The following ZNF687 variants were observed in gnomAD, a reference collection of about 807,000 sequenced individuals.
The protein encoded by ZNF687 is zinc finger protein 687.
ZNF687 carries 13 observed loss-of-function variants against 71.8 expected under a neutral mutation model. The ratio of observed to expected loss-of-function variants is 0.18; its 90% CI spans 0.12 to 0.29. The LOEUF is 0.29. Ranked by LOEUF, ZNF687 falls within the 10% of genes least tolerant of loss-of-function variation. ZNF687 has a pLI of 1.00. For synonymous variants in ZNF687, 673 were observed against 641.6 expected, an observed-to-expected ratio of 1.05 and a Z score of -0.74; for missense variants, 1,412 against 1,625.6, an observed-to-expected ratio of 0.87 and a Z score of 2.26.
In ZNF687 at chr1:151,290,158, T is replaced by C. The variant is rs113388444; in HGVS notation, c.3001T>C (p.Ser1001Pro). The C allele has an allele frequency of 6.2e-7, 1 of 1,613,964 alleles. No individual in the cohort carries two copies. Residue 1001 changes from serine to proline, a missense_variant, in exon 7 of 9, where the codon TCC (serine) becomes CCC (proline). This residue lies in a region of ZNF687 where 284 missense variants were observed against 359.2 expected (regional missense o/e 0.79). Transcript: ENST00000336715. ...KKFPCRLCER[S>P]FCSAPSLRRH... Reference sequence around the variant, plus strand: ...GTTCCCCTGTCGCCTGTGTGAGCGCTCCTTCTGCTCCGCCCCCAGCCTGAG... The same window carrying C: ...GTTCCCCTGTCGCCTGTGTGAGCGCCCCTTCTGCTCCGCCCCCAGCCTGAG...
At chr1:151,282,808 A>C (rs1251766484) in intron 1 of ZNF687, among the ~76,000 whole-genome samples, 1 of 151,996 alleles carries the variant, frequency 6.6e-6, no homozygotes, top group Non-Finnish European at 1.5e-5. Context: ...GGCCCGGGCA[A>C]GACTCAGGCT....
rs760830542 is a variant in ZNF687 at position 151,288,389 on chromosome 1, C to T, written c.2098C>T (p.Pro700Ser). 1.2e-6 allele frequency: 2 copies of T among 1,605,130 alleles called. No homozygotes were observed. The highest frequency in any genetic ancestry group is 1.3e-5 in the African/African-American group (1 of 74,978). ...CTTCCAGCAGCTCGGCCCCCCTGCC[C>T]CTGGGGCCACCAGCAATGTGAGTCA... ...AHFQQLGPPAPGATSNVCPTC... is the reference protein window; with the variant it reads ...AHFQQLGPPASGATSNVCPTC... The change falls in exon 2 of 9, where the codon CCT (proline) becomes TCT (serine). Residue 700 changes from proline to serine, a missense_variant. Pro to Ser is a moderately conservative substitution (Grantham distance 74). This residue lies in a region of ZNF687 where 207 missense variants were observed against 239.2 expected (regional missense o/e 0.87). Transcript: ENST00000336715.
At chr1:151,285,055 G>T (rs867825995) in intron 1 of ZNF687, among the ~76,000 whole-genome samples, 1 of 152,046 alleles carries the variant, frequency 6.6e-6, no homozygotes. Context: ...GATTACAGAT[G>T]TGAGCCACCA....
chr1:151,286,783 T>C lies in ZNF687; in HGVS notation c.492T>C (p.Ala164=). The change falls in exon 2 of 9, where the codon GCT becomes GCC. Residue 164 remains alanine (A), a synonymous_variant. Transcript: ENST00000336715. The part of the protein sequence containing the change: ...MEGKTPLDLF[A]HFGPEPGDHS... ...GCAAAACTCCCTTGGACCTGTTTGCTCATTTTGGCCCTGAGCCAGGGGACC... is the reference window on the plus strand; with the variant it reads ...GCAAAACTCCCTTGGACCTGTTTGCCCATTTTGGCCCTGAGCCAGGGGACC... 1 of 1,614,212 alleles carries C rather than the reference T, an allele frequency of 6.2e-7. No homozygotes were observed. The highest frequency in any genetic ancestry group is 8.5e-7 in the Non-Finnish European group (1 of 1,180,034).
Position 151,283,450 on chromosome 1 carries a change from G to A in ZNF687, c.-18+1055G>A, listed in dbSNP as rs2101858655. 4 of 375,972 alleles carry A rather than the reference G, an allele frequency of 1.1e-5. No homozygotes were observed. In the South Asian group the frequency reaches 3.3e-4, roughly 31 times the overall value. The allele number at this position is 375,972 out of a possible 1,614,324, so 23.3% of individuals were successfully genotyped here. A position where few individuals can be genotyped will look rare whatever the true frequency, so the allele number is the denominator to read the frequency against. On this transcript the variant is annotated intron_variant, in intron 1 of 8. Transcript: ENST00000336715. ...CTAGAGACAGGGCTCAGCAGTCGCA[G>A]GAAGGCCTGATCCTCCTTGGCTTGA... is the stretch of plus-strand genomic sequence containing the variant.
chr1:151,289,340 C>T (rs1288129956), intron 4 of ZNF687, 38 bp from the exon 5 acceptor site: 1 of 1,613,706 alleles, frequency 6.2e-7, no homozygotes, highest in Admixed American at 1.7e-5. Flanking sequence ...AGGGGCTGCA[C>T]CCAACCCTGC....
chr1:151,283,218 T>C, intron 1 of ZNF687: 1 of 985,420 alleles, frequency 1.0e-6, no homozygotes, highest in Non-Finnish European at 1.2e-6. Flanking sequence ...CCTCGGCAGA[T>C]GGCAGGGACT....
At position 151,287,744 on chromosome 1, in the gene ZNF687, G is replaced by A. The variant is rs776438350; in HGVS notation, c.1453G>A (p.Gly485Arg). The A allele has an allele frequency of 6.2e-7, 1 of 1,614,024 alleles. No homozygotes were observed. Among genetic ancestry groups the A allele is most frequent in the Non-Finnish European group, 8.5e-7 (1 of 1,179,990 alleles). ...AAAGACAGCTACTGGGCCAAGTACA[G>A]GGGGCGGCACAGTGATATCACGGAC... Reference protein sequence around the residue: ...PSKTATGPSTGGGTVISRTQS... With the variant: ...PSKTATGPSTRGGTVISRTQS... The change falls in exon 2 of 9, where the codon GGG becomes AGG. Residue 485 changes from glycine to arginine, a missense_variant. Around this residue, in one of 8 missense-constraint regions of ZNF687, gnomAD observed 133 missense variants for 155.1 expected, o/e 0.86. Coordinates refer to ENST00000336715, the MANE Select transcript of ZNF687 (RefSeq NM_020832.3). The surrounding 1 kb of genome is among the most constrained non-coding windows in gnomAD (Gnocchi z 5.0).
intron 3 of ZNF687, 36 bp downstream of exon 3, chr1:151,288,742 T>A: frequency 6.3e-7 from 1 of 1,582,200 alleles, no homozygotes; most frequent in Non-Finnish European, 8.6e-7. Flanking sequence ...ACTGTAGGGT[T>A]TCGTGTGTCC....
chr1:151,284,132 C>G, intron 1 of ZNF687: 1 of 985,192 alleles, frequency 1.0e-6, no homozygotes, highest in Non-Finnish European at 1.2e-6. Context: ...GCTACTGTTG[C>G]CACAGGAAAA....
intron 1 of ZNF687, 148 bp downstream of exon 1, chr1:151,282,543 T>A: frequency 2.2e-6 from 1 of 448,942 alleles, no homozygotes. Context: ...AGACACCGCC[T>A]CCATCCATTG....
rs1455479427 is a variant in ZNF687, at chr1:151,289,082, G to C, written c.2295-13G>C. On this transcript the variant is annotated splice_polypyrimidine_tract_variant and intron_variant, in intron 3 of 8. Transcript: ENST00000336715. ...CTCCCACCTCACCACAGGGCCTCCT[G>C]CTTCCTCCCTAGGTGCCCCAGCTGT... 6.2e-7 allele frequency: 1 copy of C among 1,612,640 alleles called. No homozygotes were observed. Among genetic ancestry groups the C allele is most frequent in the Non-Finnish European group, 8.5e-7 (1 of 1,179,052 alleles).
At position 151,289,194 on chromosome 1, in the gene ZNF687, C is replaced by G. The variant is rs1480336188; in HGVS notation, c.2394C>G (p.Pro798=). The G allele has an allele frequency of 6.2e-7, 1 of 1,614,210 alleles. No individual in the cohort carries two copies. The highest frequency in any genetic ancestry group is 1.1e-5 in the South Asian group (1 of 91,092). Residue 798 remains proline, a synonymous_variant, in exon 4 of 9, where the codon CCC becomes CCG. Transcript: ENST00000336715. ...TTTTCCACAAGTGCCCCATCTGCCC[C>G]ATGGCCTTCAAGTCTGGGCCAAGTG... ...CEVFHKCPIC[P]MAFKSGPSAH... is the part of the protein sequence containing the mutation.
Position 151,288,269 on chromosome 1 carries a change from G to A in ZNF687, c.1978G>A (p.Glu660Lys), listed in dbSNP as rs1230550432. Reference sequence around the variant, plus strand: ...GGCCCCTGTCCTGCCGCTCTCCACAGAGCCGCCTGCTGCCCCGGCCACCTC... The same window carrying A: ...GGCCCCTGTCCTGCCGCTCTCCACAAAGCCGCCTGCTGCCCCGGCCACCTC... The part of the protein sequence containing the change: ...AEAPVLPLST[E>K]PPAAPATSAY... Residue 660 changes from glutamate to lysine, a missense_variant, in exon 2 of 9, where the codon GAG (glutamate) becomes AAG (lysine). By Grantham distance (56) the Glu-to-Lys change is moderately conservative (BLOSUM62 1). Transcript: ENST00000336715. 6 of 1,613,522 alleles carry A rather than the reference G, an allele frequency of 3.7e-6. No homozygotes were observed. In the African/African-American group the frequency reaches 8.0e-5, roughly 22 times the overall value.
upstream of ZNF687, chr1:151,282,208 G>A (rs982160552): frequency 4.7e-6 from 5 of 1,055,704 alleles, no homozygotes; most frequent in Non-Finnish European, 5.8e-6. Context: ...AGCGACGGGG[G>A]CAAGGGCCAA....
At position 151,291,155 on chromosome 1, in the gene ZNF687, C is replaced by A. The variant is rs150008709; in HGVS notation, c.3660C>A (p.Arg1220=). Reference sequence around the variant, plus strand: ...CTCTAAACCTCAAGACCCACTTCCGCACGCATGGCATGGCGTTCATCAGGG... The same window carrying A: ...CTCTAAACCTCAAGACCCACTTCCGAACGCATGGCATGGCGTTCATCAGGG... The part of the protein sequence containing the change: ...DSPLNLKTHF[R]THGMAFIRAR... Residue 1220 remains arginine (R), a synonymous_variant, in exon 9 of 9, where the codon CGC becomes CGA. Coordinates refer to ENST00000336715, the MANE Select transcript of ZNF687 (RefSeq NM_020832.3). The A allele has an allele frequency of 2.9e-4, 467 of 1,613,072 alleles. 4 individuals are homozygous for A. In the East Asian group the frequency reaches 8.9e-3, roughly 31 times the overall value.
intron 1 of ZNF687, among the ~76,000 whole-genome samples, chr1:151,284,678 C>G (rs1693867325): frequency 6.6e-6 from 1 of 151,946 alleles, no homozygotes; most frequent in African/African-American, 2.4e-5. Context: ...CTGACATGTC[C>G]TTGCTTGGTT....
intron 1 of ZNF687, chr1:151,283,029 C>A: frequency 1.2e-6 from 1 of 815,128 alleles, no homozygotes; most frequent in Non-Finnish European, 1.5e-6. Context: ...CCTGTGTAGT[C>A]CTGGGTCCCC....
chr1:151,288,001 G>A lies in ZNF687; in HGVS notation c.1710G>A (p.Leu570=). The part of the protein sequence containing the change: ...EVTCNHCARR[L]VFFNKCSLLL... ...CCTGCAACCACTGCGCCCGCCGCCT[G>A]GTCTTCTTCAACAAGTGCAGCCTGC... The change falls in exon 2 of 9, where the codon CTG becomes CTA. Residue 570 remains leucine, a synonymous_variant. Coordinates refer to ENST00000336715, the MANE Select transcript of ZNF687 (RefSeq NM_020832.3). 6.2e-7 allele frequency: 1 copy of A among 1,614,028 alleles called. No homozygotes were observed. The highest frequency in any genetic ancestry group is 1.6e-4 in the Middle Eastern group (1 of 6,062).
Sources: gnomAD v4.1 joint callset for allele counts (sites outside exome capture counted in the v4.1 genomes callset) on GRCh38, gnomAD v4.1.1 for gene constraint, gnomAD v4.1.1 regional missense constraint, Gnocchi (gnomAD v3.1) non-coding constraint, MANE v1.5 for transcripts, NCBI Gene and HGNC (gene_info 2026-07-23, HGNC 2026-07-21) for gene names.